Variants in UBP1 observed in about 807,000 individuals in gnomAD.
UBP1 encodes upstream-binding protein 1.
A neutral mutation model predicts 76.1 loss-of-function variants in UBP1; 22 were observed. The ratio of observed to expected loss-of-function variants is 0.29; its 90% CI spans 0.21 to 0.41. The LOEUF (loss-of-function observed/expected upper bound fraction) is 0.41. Among genes scored for constraint, UBP1 ranks in the 10% least tolerant of loss-of-function variants. UBP1 has a pLI of 1.00. For missense variants in UBP1, 436 were observed against 668.1 expected (o/e 0.65, Z 3.83); for synonymous variants, 224 against 237.1 (o/e 0.94, Z 0.51).
chr3:33,424,191 CA>C (rs1470386397), intron 2 of UBP1, among the ~76,000 whole-genome samples: 1 of 152,124 alleles, frequency 6.6e-6, no homozygotes, highest in Non-Finnish European at 1.5e-5. Context: ...AAGGTTCTTT[CA>C]AATATAAAAC....
intron 1 of UBP1, among the ~76,000 whole-genome samples, chr3:33,435,955 C>T (rs1038509143): frequency 6.6e-6 from 1 of 152,158 alleles, no homozygotes; most frequent in African/African-American, 2.4e-5. Context: ...ATCTGTACTT[C>T]CAAGATATAT....
intron 1 of UBP1, among the ~76,000 whole-genome samples, chr3:33,439,074 T>C (rs1443111482): frequency 6.6e-6 from 1 of 152,232 alleles, no homozygotes; most frequent in Non-Finnish European, 1.5e-5. Flanking sequence ...CATATTAAAA[T>C]GAATGACTGC....
rs770174992 is a variant in UBP1, at chr3:33,416,778, T to G, written c.322A>C (p.Ile108Leu). The G allele has an allele frequency of 1.9e-6, 3 of 1,613,338 alleles. No homozygotes were observed. Among genetic ancestry groups the G allele is most frequent in the East Asian group, 2.2e-5 (1 of 44,802 alleles). The change falls in exon 3 of 16, where the codon ATC (isoleucine) becomes CTC (leucine). Residue 108 changes from isoleucine to leucine, a missense_variant. Around this residue, in one of 3 missense-constraint regions of UBP1, gnomAD observed 161 missense variants for 237.9 expected, o/e 0.68. Transcript: ENST00000283629. Reference protein sequence around the residue: ...DNRKMGDMPEINGKLVKSIIR... With the variant: ...DNRKMGDMPELNGKLVKSIIR... ...CTTACCTTTACTAATTTTCCATTGA[T>G]CTCAGGCATATCACCCATTTTCCGA... is the stretch of plus-strand genomic sequence containing the variant.
chr3:33,416,861 AC>A, intron 2 of UBP1, 27 bp from the exon 3 acceptor site: 16 of 1,570,282 alleles, frequency 1.0e-5, no homozygotes, highest in Non-Finnish European at 1.3e-5. Context: ...TGTATAAAAA[AC>A]AATCCTTATA....
At chr3:33,422,725 G>T (rs1309483502) in intron 2 of UBP1, among the ~76,000 whole-genome samples, 1 of 125,530 alleles carries the variant, frequency 8.0e-6, no homozygotes, top group East Asian at 2.9e-4. Flanking sequence ...ACCAAAAAGA[G>T]AGGGAGAAAG....
At chr3:33,436,565 G>A (rs1348674129) in intron 1 of UBP1, among the ~76,000 whole-genome samples, 1 of 152,064 alleles carries the variant, frequency 6.6e-6, no homozygotes, top group African/African-American at 2.4e-5. Context: ...TTTTAAAAGA[G>A]TAAGCTATAC....
chr3:33,397,267 C>T (rs144241595), intron 11 of UBP1, 132 bp from the exon 12 acceptor site: 1 of 597,522 alleles, frequency 1.7e-6, no homozygotes, highest in East Asian at 3.1e-5. Flanking sequence ...TACACATGAA[C>T]AATATAAGAA....
intron 1 of UBP1, among the ~76,000 whole-genome samples, chr3:33,438,272 T>A (rs2045233028): frequency 6.6e-6 from 1 of 152,226 alleles, no homozygotes; most frequent in African/African-American, 2.4e-5. Flanking sequence ...AAGTAAACTT[T>A]TCAGCAGCAA....
At chr3:33,433,502 A>AT (rs1466612929) in intron 1 of UBP1, among the ~76,000 whole-genome samples, 2 of 151,710 alleles carry the variant, frequency 1.3e-5, no homozygotes, top group African/African-American at 2.4e-5. Flanking sequence ...AAAATACAAA[A>AT]ATCAGCTGGG....
chr3:33,431,334 C>G (rs968079088), intron 1 of UBP1, among the ~76,000 whole-genome samples: 1 of 152,164 alleles, frequency 6.6e-6, no homozygotes, highest in East Asian at 1.9e-4. Flanking sequence ...AATTCTAGAA[C>G]TGGTGAAATA....
chr3:33,398,449 CTGTGTATG>C (rs1192127052), intron 11 of UBP1: 7 of 152,210 alleles, frequency 4.6e-5, no homozygotes, highest in African/African-American at 1.7e-4. Context: ...CCAGAGAGTA[CTGTGTATG>C]TGTGTGCACA....
intron 1 of UBP1, 27 bp downstream of exon 1, chr3:33,439,709 C>T (rs780152893): frequency 1.2e-6 from 2 of 1,607,850 alleles, no homozygotes; most frequent in Admixed American, 3.4e-5. Flanking sequence ...GAGACAGAGG[C>T]TTCTCCCCGC....
chr3:33,416,708 TC>T, intron 3 of UBP1, 49 bp downstream of exon 3: 1 of 1,358,796 alleles, frequency 7.4e-7, no homozygotes, highest in Non-Finnish European at 1.0e-6. Context: ...AAACAAAAAC[TC>T]ATTCAATCAC....
At chr3:33,405,458 A>C (rs915435486) in intron 8 of UBP1, among the ~76,000 whole-genome samples, 4 of 152,352 alleles carry the variant, frequency 2.6e-5, no homozygotes, top group African/African-American at 9.6e-5. Flanking sequence ...AGCTATTTAA[A>C]TTTATGATGA....
intron 8 of UBP1, among the ~76,000 whole-genome samples, 156 bp from the exon 9 acceptor site, chr3:33,403,060 T>C (rs1346696657): frequency 6.6e-6 from 1 of 152,240 alleles, no homozygotes; most frequent in African/African-American, 2.4e-5. Flanking sequence ...AATTTACTTC[T>C]GTGTGGCAAA....
intron 15 of UBP1, chr3:33,391,260 A>T (rs558885409): frequency 6.6e-6 from 1 of 152,366 alleles, no homozygotes; most frequent in Non-Finnish European, 1.5e-5. Flanking sequence ...TTCTAGGGGC[A>T]GCTTTTGTGC....
Position 33,389,345 on chromosome 3 carries a change from T to G in UBP1, c.*986A>C, listed in dbSNP as rs552555006. 5 of 152,654 alleles carry G rather than the reference T, an allele frequency of 3.3e-5. No individual in the cohort carries two copies. The highest frequency in any genetic ancestry group is 1.2e-4 in the African/African-American group (5 of 41,520). The allele number at this position is 152,654 out of a possible 1,614,324, so 9.5% of individuals were successfully genotyped here. ...AGTGTTTCCAGAAAAAAATTCATCT[T>G]GTTCATAATGAAGATCCCTTAACAC... On this transcript the variant is annotated 3_prime_UTR_variant, in exon 16 of 16. Coordinates refer to ENST00000283629, the MANE Select transcript of UBP1 (RefSeq NM_014517.5).
At chr3:33,395,803 TTTG>T (rs970861761) in intron 13 of UBP1, among the ~76,000 whole-genome samples, 11 of 151,270 alleles carry the variant, frequency 7.3e-5, no homozygotes, top group Admixed American at 5.3e-4. Flanking sequence ...CTCCTGCTTT[TTTG>T]TTAAGCTGCC....
intron 2 of UBP1, among the ~76,000 whole-genome samples, chr3:33,420,390 A>G (rs768069596): frequency 1.3e-5 from 2 of 151,950 alleles, no homozygotes; most frequent in East Asian, 1.9e-4. Context: ...CAGTGGTGCA[A>G]TCTGGGCTCA....
Sources: allele counts gnomAD v4.1 joint callset (sites outside exome capture counted in the v4.1 genomes callset), GRCh38; gene constraint gnomAD v4.1.1; regional missense constraint gnomAD v4.1.1; transcripts MANE v1.5; gene names NCBI Gene and HGNC (gene_info 2026-07-23, HGNC 2026-07-21).